Variants in NEBL observed in about 807,000 individuals in gnomAD.
NEBL encodes LIM and SH3 protein 2.
NEBL carries 122 observed loss-of-function variants against 140.2 expected under a neutral mutation model. That is an observed-to-expected ratio of 0.87 (90% CI 0.75 to 1.01). The LOEUF (loss-of-function observed/expected upper bound fraction) is 1.01, where lower values mean the gene tolerates loss of function less well. Among genes scored for constraint, NEBL ranks in the 50% least tolerant of loss-of-function variants. The probability of loss-of-function intolerance (pLI) is 0.00; values close to 1 mark genes in which losing one functional copy is unlikely to be tolerated. For synonymous variants in NEBL, 436 were observed against 398.9 expected (o/e 1.09, Z -1.11); for missense variants, 1,365 against 1,231.3 (o/e 1.11, Z -1.62).
chr10:21,192,682 T>C (rs571276630), intron 3 of NEBL, among the ~76,000 whole-genome samples: 25 of 151,174 alleles, frequency 1.7e-4, no homozygotes, highest in African/African-American at 5.6e-4. Flanking sequence ...CCATCTCTAC[T>C]AAAAATACAA....
At chr10:20,981,984 C>A (rs543283144) in intron 3 of NEBL, among the ~76,000 whole-genome samples, 19 of 152,308 alleles carry the variant, frequency 1.2e-4, no homozygotes, top group Non-Finnish European at 2.2e-4. Flanking sequence ...CTGATACACT[C>A]ATCTACATTT....
At chr10:20,917,101 G>C (rs971352902) in intron 4 of NEBL, among the ~76,000 whole-genome samples, 1 of 152,152 alleles carries the variant, frequency 6.6e-6, no homozygotes, top group African/African-American at 2.4e-5. Flanking sequence ...AACTAGACCT[G>C]GTTTAGCCTA....
intron 4 of NEBL, among the ~76,000 whole-genome samples, chr10:20,931,663 G>T (rs1023204636): frequency 6.6e-6 from 1 of 152,060 alleles, no homozygotes; most frequent in African/African-American, 2.4e-5. Flanking sequence ...AAGAGTCTCC[G>T]GCCCATGCAG....
At chr10:21,277,121 C>T (rs912263555) in intron 1 of NEBL, among the ~76,000 whole-genome samples, 1 of 151,898 alleles carries the variant, frequency 6.6e-6, no homozygotes, top group Non-Finnish European at 1.5e-5. Context: ...AGAAGAAGAC[C>T]CTGTCTCAAA....
intron 3 of NEBL, among the ~76,000 whole-genome samples, chr10:20,977,077 C>T (rs1359847328): frequency 6.6e-6 from 1 of 152,080 alleles, no homozygotes; most frequent in Non-Finnish European, 1.5e-5. Flanking sequence ...CAGTTTCAGT[C>T]AAAGATAAAG....
At chr10:20,881,575 A>G (rs999766840) in intron 4 of NEBL, among the ~76,000 whole-genome samples, 1 of 152,172 alleles carries the variant, frequency 6.6e-6, no homozygotes, top group Non-Finnish European at 1.5e-5. Flanking sequence ...ACAGCAACCA[A>G]GTTATCCCCT....
intron 8 of NEBL, 54 bp downstream of exon 8, chr10:20,859,659 A>G: frequency 8.0e-7 from 1 of 1,255,248 alleles, no homozygotes; most frequent in Non-Finnish European, 1.2e-6. Context: ...TCGATTCTAA[A>G]AAAAACAAGA....
At position 21,059,215 on chromosome 10, in the gene NEBL, T is replaced by A. The variant is rs557538304; in HGVS notation, c.165-39014A>T. Among the ~76,000 whole-genome samples, 4 of 152,330 alleles carry A rather than the reference T, an allele frequency of 2.6e-5. No individual in the cohort carries two copies. The South Asian group carries it at 8.3e-4, about 32-fold the overall frequency. ...GTCTGTCATTGCTCTTATCATGTTGTATGAATTACAGATGTTATTTTCTGG... is the reference window on the plus strand; with the variant it reads ...GTCTGTCATTGCTCTTATCATGTTGAATGAATTACAGATGTTATTTTCTGG... On this transcript the variant is annotated intron_variant, in intron 2 of 6. Transcript: ENST00000417816.
intron 3 of NEBL, among the ~76,000 whole-genome samples, chr10:21,002,455 GA>G (rs1317140393): frequency 1.3e-5 from 2 of 152,092 alleles, no homozygotes; most frequent in African/African-American, 2.4e-5. Flanking sequence ...TTTTATTACA[GA>G]AATAAATTCT....
intron 2 of NEBL, among the ~76,000 whole-genome samples, chr10:21,128,092 G>T (rs2132062149): frequency 6.6e-6 from 1 of 152,226 alleles, no homozygotes; most frequent in Middle Eastern, 3.4e-3. Flanking sequence ...ACTAGAATCT[G>T]CTCTTATGGT....
chr10:21,073,058 C>G (rs1216413757), intron 2 of NEBL, among the ~76,000 whole-genome samples: 1 of 152,028 alleles, frequency 6.6e-6, no homozygotes, highest in Non-Finnish European at 1.5e-5. Context: ...CAACTCTGTG[C>G]TGGGACAGAG....
intron 23 of NEBL, among the ~76,000 whole-genome samples, chr10:20,813,180 TA>T (rs1371231232): frequency 1.0e-4 from 15 of 150,748 alleles, no homozygotes; most frequent in African/African-American, 3.4e-4. Flanking sequence ...AAATTATATA[TA>T]AAACTATATA....
chr10:20,894,989 A>G (rs1847356351), intron 2 of NEBL, among the ~76,000 whole-genome samples: 1 of 151,798 alleles, frequency 6.6e-6, no homozygotes, highest in Non-Finnish European at 1.5e-5. Context: ...TAAGTAGTAC[A>G]TTCTACCATG....
chr10:20,907,356 C>T (rs572768989), intron 4 of NEBL, among the ~76,000 whole-genome samples: 297 of 152,084 alleles, frequency 2.0e-3, no homozygotes, highest in Middle Eastern at 3.4e-3. Flanking sequence ...GGTGTATTTT[C>T]AAAATGCTAT....
chr10:20,808,479 AT>A, intron 26 of NEBL, 30 bp downstream of exon 26: 1 of 1,611,394 alleles, frequency 6.2e-7, no homozygotes. Flanking sequence ...AAATGAATCG[AT>A]TTTCTTTGTA....
chr10:21,288,301 CTACTA>C (rs1340926735), intron 1 of NEBL, among the ~76,000 whole-genome samples: 2 of 151,806 alleles, frequency 1.3e-5, no homozygotes, highest in African/African-American at 4.8e-5. Flanking sequence ...AACCCTGTCT[CTACTA>C]AAACTATGAA....
chr10:20,881,387 C>T (rs1846002585), intron 4 of NEBL, among the ~76,000 whole-genome samples: 1 of 152,122 alleles, frequency 6.6e-6, no homozygotes, highest in Admixed American at 6.5e-5. Context: ...AGCATGCAGG[C>T]AAAATTCTCA....
At chr10:20,834,830 C>A (rs537998721) in intron 14 of NEBL, among the ~76,000 whole-genome samples, 1 of 152,294 alleles carries the variant, frequency 6.6e-6, no homozygotes, top group African/African-American at 2.4e-5. Flanking sequence ...AGAGAAAGTT[C>A]TAGGGTATTT....
chr10:21,188,598 C>CTTTT (rs774673307), intron 3 of NEBL, among the ~76,000 whole-genome samples: 2 of 125,912 alleles, frequency 1.6e-5, no homozygotes, highest in African/African-American at 3.0e-5. Context: ...ATAGTAAAAT[C>CTTTT]TTTTTTTTTT....
Sources: allele counts gnomAD v4.1 joint callset (sites outside exome capture counted in the v4.1 genomes callset), GRCh38; gene constraint gnomAD v4.1.1; transcripts MANE v1.5; gene names NCBI Gene and HGNC (gene_info 2026-07-23, HGNC 2026-07-21).